CHD7: variants seen among roughly 807,000 people sequenced by gnomAD.
The protein encoded by CHD7 is chromodomain helicase DNA binding protein 7, also known as ATP-dependent chromatin remodeler CHD7.
In CHD7, 24 loss-of-function variants were observed where a neutral mutation model predicts 307.3. The ratio of observed to expected loss-of-function variants is 0.08; its 90% CI spans 0.06 to 0.11. CHD7 has a LOEUF of 0.11. Ranked by LOEUF, CHD7 falls within the 10% of genes least tolerant of loss-of-function variation. The probability of loss-of-function intolerance (pLI) is 1.00; values close to 1 mark genes in which losing one functional copy is unlikely to be tolerated. For synonymous variants in CHD7, 1,363 were observed against 1,349.9 expected, an observed-to-expected ratio of 1.01 and a Z score of -0.21; for missense variants, 3,106 against 3,727.1, an observed-to-expected ratio of 0.83 and a Z score of 4.34.
At chr8:60,679,881 A>G (rs1330242970) in intron 1 of CHD7, 1 of 151,228 alleles carries the variant, frequency 6.6e-6, no homozygotes, top group East Asian at 2.0e-4. Flanking sequence ...GAGCTCAGCC[A>G]GTGCCGGTCG....
chr8:60,818,762 C>T (rs1443529299), intron 8 of CHD7, among the ~76,000 whole-genome samples: 2 of 152,204 alleles, frequency 1.3e-5, no homozygotes, highest in African/African-American at 4.8e-5. Flanking sequence ...GACTGAACTG[C>T]TTATCTTTTC....
At chr8:60,797,666 A>G (rs1216146515) in intron 4 of CHD7, among the ~76,000 whole-genome samples, 2 of 152,254 alleles carry the variant, frequency 1.3e-5, no homozygotes, top group African/African-American at 4.8e-5. Context: ...AAAGATGGAA[A>G]TATAAATGAA....
At chr8:60,852,764 A>G in intron 30 of CHD7, 58 bp downstream of exon 30, 1 of 1,610,682 alleles carries the variant, frequency 6.2e-7, no homozygotes, top group African/African-American at 1.3e-5. Flanking sequence ...GAAAAATAAG[A>G]AAGTGTACAA....
chr8:60,769,693 G>T (rs1387818152), intron 2 of CHD7, among the ~76,000 whole-genome samples: 1 of 152,172 alleles, frequency 6.6e-6, no homozygotes, highest in East Asian at 1.9e-4. Context: ...TTAATTGACG[G>T]AACGATGGTG....
chr8:60,825,999 A>G (rs1481978436), intron 13 of CHD7, among the ~76,000 whole-genome samples: 1 of 152,010 alleles, frequency 6.6e-6, no homozygotes, highest in Admixed American at 6.6e-5. Flanking sequence ...GCCCCCCACA[A>G]TCTTTGGGCT....
At chr8:60,849,900 C>T (rs764857374) in intron 25 of CHD7, among the ~76,000 whole-genome samples, 33 of 152,176 alleles carry the variant, frequency 2.2e-4, no homozygotes, top group South Asian at 2.1e-4. Flanking sequence ...ATCATTTTCC[C>T]GCAGTGCACT....
intron 1 of CHD7, among the ~76,000 whole-genome samples, chr8:60,699,820 C>G (rs898764853): frequency 6.9e-6 from 1 of 145,664 alleles, no homozygotes; most frequent in Non-Finnish European, 1.5e-5. Flanking sequence ...TGTTTGATAA[C>G]TTGATATTAT....
At chr8:60,707,828 A>G (rs926764532) in intron 1 of CHD7, among the ~76,000 whole-genome samples, 16 of 152,250 alleles carry the variant, frequency 1.1e-4, no homozygotes, top group African/African-American at 3.9e-4. Flanking sequence ...CACTATAAGT[A>G]TATGGAAGCA....
intron 2 of CHD7, among the ~76,000 whole-genome samples, chr8:60,759,680 G>C (rs1314727101): frequency 6.6e-6 from 1 of 152,102 alleles, no homozygotes; most frequent in Non-Finnish European, 1.5e-5. Flanking sequence ...GCTGTCCCAG[G>C]GAAGTAGAAC....
chr8:60,850,768 C>T (rs904523874), intron 26 of CHD7, 146 bp downstream of exon 26: 38 of 825,570 alleles, frequency 4.6e-5, no homozygotes, highest in Non-Finnish European at 6.7e-5. Flanking sequence ...ATTTGTATGT[C>T]GTAATGACTG....
At chr8:60,778,743 G>A (rs1328394658) in intron 2 of CHD7, among the ~76,000 whole-genome samples, 1 of 152,040 alleles carries the variant, frequency 6.6e-6, no homozygotes, top group Non-Finnish European at 1.5e-5. Flanking sequence ...TCCGTGTCCT[G>A]TGCAAAAAAG....
At chr8:60,812,828 C>CT (rs1346734292) in intron 7 of CHD7, among the ~76,000 whole-genome samples, 6 of 151,862 alleles carry the variant, frequency 4.0e-5, no homozygotes, top group Admixed American at 3.9e-4. Flanking sequence ...TACCACACTG[C>CT]TTAGGGAGGC....
chr8:60,749,035 A>G (rs1586263017), intron 2 of CHD7, among the ~76,000 whole-genome samples: 1 of 151,704 alleles, frequency 6.6e-6, no homozygotes, highest in African/African-American at 2.4e-5. Flanking sequence ...AATCTCAAGT[A>G]GCATCAATCT....
At chr8:60,725,383 C>T (rs1808115442) in intron 1 of CHD7, among the ~76,000 whole-genome samples, 1 of 152,170 alleles carries the variant, frequency 6.6e-6, no homozygotes, top group Non-Finnish European at 1.5e-5. Context: ...AGTAGTATCC[C>T]AAAGTGTACC....
chr8:60,679,107 C>T (rs1382316881), intron 1 of CHD7, 25 bp downstream of exon 1: 2 of 156,306 alleles, frequency 1.3e-5, no homozygotes, highest in Non-Finnish European at 2.7e-5. Flanking sequence ...TCGCCCGGCG[C>T]CCCCGGGAGG....
intron 18 of CHD7, 118 bp from the exon 19 acceptor site, chr8:60,837,958 C>A: frequency 7.9e-7 from 1 of 1,260,980 alleles, no homozygotes; most frequent in South Asian, 1.7e-5. Context: ...TATTTTGTAA[C>A]ACTTTCCTTT....
At chr8:60,765,577 T>C (rs1381380625) in intron 2 of CHD7, among the ~76,000 whole-genome samples, 2 of 152,196 alleles carry the variant, frequency 1.3e-5, no homozygotes, top group African/African-American at 4.8e-5. Context: ...AAGGACATTC[T>C]AGGCAGGAGG....
At chr8:60,734,762 A>G (rs1406578722) in intron 1 of CHD7, among the ~76,000 whole-genome samples, 1 of 152,128 alleles carries the variant, frequency 6.6e-6, no homozygotes, top group Non-Finnish European at 1.5e-5. Flanking sequence ...GAGAATGGAC[A>G]GGTCAATAAG....
chr8:60,856,875 C>T lies in CHD7; in HGVS notation c.7595C>T (p.Thr2532Met), dbSNP rs201032343. 151 of 1,549,892 alleles carry T rather than the reference C, an allele frequency of 9.7e-5. 2 individuals carry two copies. In the African/African-American group the frequency reaches 1.8e-3, roughly 18 times the overall value. The change falls in exon 34 of 38, where the codon ACG becomes ATG. Residue 2532 changes from threonine (T) to methionine (M), a missense_variant. Thr to Met is a moderately conservative substitution (Grantham distance 81). Coordinates refer to ENST00000423902, the MANE Select transcript of CHD7 (RefSeq NM_017780.4). ...LDLLFMSHKRTSLSAEDAEVT... is the reference protein window; with the variant it reads ...LDLLFMSHKRMSLSAEDAEVT... Reference sequence around the variant, plus strand: ...CTGCTTTTCATGAGCCACAAACGGACGTCATTGAGTGCAGTAAGTTGGGGA... The same window carrying T: ...CTGCTTTTCATGAGCCACAAACGGATGTCATTGAGTGCAGTAAGTTGGGGA...
Sources: allele counts gnomAD v4.1 joint callset (sites outside exome capture counted in the v4.1 genomes callset), GRCh38; gene constraint gnomAD v4.1.1; transcripts MANE v1.5; gene names NCBI Gene and HGNC (gene_info 2026-07-23, HGNC 2026-07-21).